Variants in ADIPOR2 observed in about 807,000 individuals in gnomAD.
The protein encoded by ADIPOR2 is adiponectin receptor protein 2.
ADIPOR2 carries 18 observed loss-of-function variants against 40.9 expected under a neutral mutation model. That is an observed-to-expected ratio of 0.44 (90% CI 0.30 to 0.65). The LOEUF (loss-of-function observed/expected upper bound fraction) is 0.65. Among genes scored for constraint, ADIPOR2 ranks in the 30% least tolerant of loss-of-function variants. The pLI is 0.09. For synonymous variants in ADIPOR2, 165 were observed against 166.4 expected (o/e 0.99, Z 0.06); for missense variants, 283 against 479.2 (o/e 0.59, Z 3.82).
At chr12:1,751,639 C>CTAG (rs2094769308) in intron 1 of ADIPOR2, among the ~76,000 whole-genome samples, 1 of 152,096 alleles carries the variant, frequency 6.6e-6, no homozygotes, top group South Asian at 2.1e-4. Flanking sequence ...TCTTGAGTAG[C>CTAG]TAGTACTACA....
At chr12:1,761,566 C>T (rs1215847629) in intron 2 of ADIPOR2, among the ~76,000 whole-genome samples, 1 of 152,132 alleles carries the variant, frequency 6.6e-6, no homozygotes, top group Non-Finnish European at 1.5e-5. Context: ...GGGTGTGAAA[C>T]GATATTTCAT....
chr12:1,761,932 T>C (rs1592619801), intron 2 of ADIPOR2, among the ~76,000 whole-genome samples: 4 of 152,244 alleles, frequency 2.6e-5, no homozygotes, highest in Non-Finnish European at 5.9e-5. Context: ...ATTGCACTTA[T>C]GGTACAATCC....
At chr12:1,711,787 C>T (rs944945231) in intron 1 of ADIPOR2, among the ~76,000 whole-genome samples, 10 of 151,958 alleles carry the variant, frequency 6.6e-5, no homozygotes, top group Non-Finnish European at 1.0e-4. Context: ...GCTGTTCTCC[C>T]CTCTCCTTTC....
At chr12:1,771,862 T>C (rs1862500636) in intron 2 of ADIPOR2, among the ~76,000 whole-genome samples, 1 of 152,224 alleles carries the variant, frequency 6.6e-6, no homozygotes, top group Non-Finnish European at 1.5e-5. Flanking sequence ...TACGGAATTA[T>C]GGTTCTCTTG....
intron 1 of ADIPOR2, among the ~76,000 whole-genome samples, chr12:1,735,156 A>T (rs1301332743): frequency 6.6e-6 from 1 of 152,100 alleles, no homozygotes; most frequent in Non-Finnish European, 1.5e-5. Context: ...CTTGATGGGG[A>T]TGGCATTGAA....
At chr12:1,722,924 C>G (rs2094700647) in intron 1 of ADIPOR2, among the ~76,000 whole-genome samples, 1 of 152,114 alleles carries the variant, frequency 6.6e-6, no homozygotes, top group African/African-American at 2.4e-5. Flanking sequence ...CAAAATGCTC[C>G]TTAAACTTTT....
chr12:1,769,683 AG>A (rs1862457285), intron 2 of ADIPOR2, among the ~76,000 whole-genome samples: 1 of 151,946 alleles, frequency 6.6e-6, no homozygotes, highest in Admixed American at 6.6e-5. Context: ...CTGGGATTAC[AG>A]GCGCTCGCCA....
At chr12:1,706,389 T>C (rs1042856335) in intron 1 of ADIPOR2, among the ~76,000 whole-genome samples, 3 of 152,168 alleles carry the variant, frequency 2.0e-5, no homozygotes, top group African/African-American at 7.2e-5. Flanking sequence ...AAGAAGGGCT[T>C]TTGGTTGGAG....
rs116463973 is a variant in ADIPOR2, at chr12:1,693,166, G to A, written c.-87+1975G>A. ...GCGAAACTCCGTCTTAAAAAAAAGAGGAAGAAAAAAGTTTTTATTAGAACA... is the reference window on the plus strand; with the variant it reads ...GCGAAACTCCGTCTTAAAAAAAAGAAGAAGAAAAAAGTTTTTATTAGAACA... On this transcript the variant is annotated intron_variant, in intron 1 of 7. Coordinates refer to ENST00000357103, the MANE Select transcript of ADIPOR2 (RefSeq NM_024551.3). 3.8e-3 allele frequency among the ~76,000 whole-genome samples: 573 copies of A among 152,158 alleles called. 2 individuals carry two copies. Among genetic ancestry groups the A allele is most frequent in the African/African-American group, 0.013 (543 of 41,516 alleles).
At chr12:1,733,687 A>G (rs1002372626) in intron 1 of ADIPOR2, among the ~76,000 whole-genome samples, 8 of 152,066 alleles carry the variant, frequency 5.3e-5, no homozygotes, top group African/African-American at 1.9e-4. Context: ...TACATGTGCC[A>G]TGTTGGTGTG....
At chr12:1,747,179 A>G (rs1397330640) in intron 1 of ADIPOR2, among the ~76,000 whole-genome samples, 1 of 152,228 alleles carries the variant, frequency 6.6e-6, no homozygotes, top group East Asian at 1.9e-4. Flanking sequence ...AAGTGCACAT[A>G]GAACATTCTT....
intron 1 of ADIPOR2, among the ~76,000 whole-genome samples, chr12:1,728,090 A>G (rs1298814845): frequency 6.6e-6 from 1 of 151,306 alleles, no homozygotes; most frequent in Non-Finnish European, 1.5e-5. Context: ...GTTCCTTCCT[A>G]TCAGCTGTTT....
At chr12:1,699,807 A>G (rs2094646670) in intron 1 of ADIPOR2, among the ~76,000 whole-genome samples, 2 of 152,240 alleles carry the variant, frequency 1.3e-5, no homozygotes, top group African/African-American at 4.8e-5. Context: ...GTATTTAGAA[A>G]TTGGAAGTTG....
chr12:1,723,843 T>A (rs1344204472), intron 1 of ADIPOR2, among the ~76,000 whole-genome samples: 1 of 152,146 alleles, frequency 6.6e-6, no homozygotes, highest in East Asian at 1.9e-4. Context: ...TCAAAAGAAC[T>A]GAAAGCAGCA....
chr12:1,762,790 G>C (rs998614211), intron 2 of ADIPOR2, among the ~76,000 whole-genome samples: 1 of 152,210 alleles, frequency 6.6e-6, no homozygotes, highest in Non-Finnish European at 1.5e-5. Context: ...GAGGTTTCAT[G>C]TGAATGTATG....
chr12:1,717,485 C>G lies in ADIPOR2; in HGVS notation c.-87+26294C>G, dbSNP rs186179554. Among the ~76,000 whole-genome samples, 499 of 152,238 alleles carry G rather than the reference C, an allele frequency of 3.3e-3. 6 individuals carry two copies. Among genetic ancestry groups the G allele is most frequent in the African/African-American group, 0.011 (474 of 41,542 alleles). ...ACTTTGGGAGGCAAGGCAGGTGGAT[C>G]ACCTGAGGTCGGGAGTTCGAGACCA... On this transcript the variant is annotated intron_variant, in intron 1 of 7. Coordinates refer to ENST00000357103, the MANE Select transcript of ADIPOR2 (RefSeq NM_024551.3).
chr12:1,702,153 CAT>C (rs1243269705), intron 1 of ADIPOR2, among the ~76,000 whole-genome samples: 3 of 151,958 alleles, frequency 2.0e-5, no homozygotes, highest in Admixed American at 6.6e-5. Context: ...AAAAACCCCA[CAT>C]GTCGCGACTC....
intron 1 of ADIPOR2, among the ~76,000 whole-genome samples, chr12:1,698,209 TG>T (rs2094643208): frequency 9.4e-4 from 13 of 13,792 alleles, no homozygotes; most frequent in African/African-American, 4.0e-3. Flanking sequence ...TGGCTGATTG[TG>T]TGTGTGTGTG....
chr12:1,699,095 A>C (rs558124426), intron 1 of ADIPOR2, among the ~76,000 whole-genome samples: 1 of 152,228 alleles, frequency 6.6e-6, no homozygotes, highest in African/African-American at 2.4e-5. Flanking sequence ...TCACTGATCA[A>C]AAAGAATCTG....
Sources: allele counts gnomAD v4.1 joint callset (sites outside exome capture counted in the v4.1 genomes callset), GRCh38; gene constraint gnomAD v4.1.1; transcripts MANE v1.5; gene names NCBI Gene and HGNC (gene_info 2026-07-23, HGNC 2026-07-21).